The following NME7 variants were observed in gnomAD, a reference collection of about 807,000 sequenced individuals.
NME7 encodes the protein NME/NM23 family member 7.
In NME7, 41 loss-of-function variants were observed where a neutral mutation model predicts 49.1. The ratio of observed to expected loss-of-function variants is 0.83; its 90% confidence interval spans 0.65 to 1.08. The LOEUF is 1.08. Among genes scored for constraint, NME7 ranks in the 50% least tolerant of loss-of-function variants. NME7 has a pLI of 0.00. For missense variants in NME7, 423 were observed against 463.4 expected (o/e 0.91, Z 0.80); for synonymous variants, 139 against 150.6 (o/e 0.92, Z 0.56).
chr1:169,173,334 G>A (rs777879322), intron 10 of NME7, among the ~76,000 whole-genome samples: 1 of 151,816 alleles, frequency 6.6e-6, no homozygotes, highest in Non-Finnish European at 1.5e-5. Flanking sequence ...AGTTGTAATC[G>A]TCATAGTTTT....
intron 1 of NME7, among the ~76,000 whole-genome samples, chr1:169,346,628 A>T (rs995863966): frequency 1.3e-5 from 2 of 152,174 alleles, no homozygotes; most frequent in East Asian, 3.8e-4. Context: ...TTACCTTCAA[A>T]TATAATGTAT....
At chr1:169,250,208 TTA>T (rs1007391844) in intron 7 of NME7, among the ~76,000 whole-genome samples, 1 of 152,038 alleles carries the variant, frequency 6.6e-6, no homozygotes, top group East Asian at 1.9e-4. Context: ...CTAGGAGTGT[TTA>T]TGTTTCCTGG....
chr1:169,165,326 T>C (rs573584409), intron 11 of NME7, among the ~76,000 whole-genome samples: 58 of 142,160 alleles, frequency 4.1e-4, no homozygotes, highest in Non-Finnish European at 8.0e-4. Context: ...AATAAATAAA[T>C]AAAATAATGG....
chr1:169,198,044 G>C (rs1660437659), intron 10 of NME7, among the ~76,000 whole-genome samples: 1 of 151,854 alleles, frequency 6.6e-6, no homozygotes, highest in Non-Finnish European at 1.5e-5. Flanking sequence ...AATAGGCAAA[G>C]AACTGAATAG....
At chr1:169,362,358 A>T (rs970067923) in intron 1 of NME7, among the ~76,000 whole-genome samples, 1 of 152,238 alleles carries the variant, frequency 6.6e-6, no homozygotes, top group South Asian at 2.1e-4. Flanking sequence ...AATAAATGCT[A>T]TATTTTAGAA....
rs1371455037 is a variant in NME7 at position 169,275,986 on chromosome 1, AT to A, written c.754+11316del. On this transcript the variant is annotated intron_variant, in intron 7 of 11. Coordinates refer to ENST00000367811, the MANE Select transcript of NME7 (RefSeq NM_013330.5). ...TGGTTCTGTTTATATGCTGGATTAC[AT>A]TTATTGATTTGCGTATATTGAACCG... Among the ~76,000 whole-genome samples, 4 of 133,752 alleles carry A rather than the reference AT, an allele frequency of 3.0e-5. 1 individual carries two copies. The highest frequency in any genetic ancestry group is 7.0e-5 in the Non-Finnish European group (4 of 56,918). The allele number at this position is 133,752 out of a possible 152,430, so 87.7% of individuals were successfully genotyped here.
At chr1:169,317,832 T>C (rs1013555927) in intron 3 of NME7, among the ~76,000 whole-genome samples, 23 of 152,158 alleles carry the variant, frequency 1.5e-4, no homozygotes, top group Admixed American at 4.6e-4. Flanking sequence ...TCTATCCCTG[T>C]TCCCATAAGA....
At chr1:169,342,578 A>AG (rs1652764529) in intron 1 of NME7, among the ~76,000 whole-genome samples, 1 of 92,818 alleles carries the variant, frequency 1.1e-5, no homozygotes. Context: ...TATATATAGT[A>AG]TATATATATA....
At chr1:169,134,691 A>G (rs1658372191) in intron 11 of NME7, among the ~76,000 whole-genome samples, 1 of 152,154 alleles carries the variant, frequency 6.6e-6, no homozygotes, top group Non-Finnish European at 1.5e-5. Context: ...ACTGGTTTTC[A>G]TTGTATTTTA....
At chr1:169,168,735 A>G (rs1659487664) in intron 11 of NME7, 1 of 390,880 alleles carries the variant, frequency 2.6e-6, no homozygotes, top group Non-Finnish European at 5.0e-6. Flanking sequence ...GTTGACCGGG[A>G]GCTTCATCGA....
chr1:169,250,077 T>C (rs76017901), intron 7 of NME7, among the ~76,000 whole-genome samples: 3,179 of 152,184 alleles, frequency 0.021, 113 homozygotes, highest in African/African-American at 0.073. Context: ...CTGGTAGGAT[T>C]CAGTTGTGAA....
chr1:169,239,919 A>G (rs1301427036), intron 7 of NME7, among the ~76,000 whole-genome samples: 1 of 152,048 alleles, frequency 6.6e-6, no homozygotes, highest in Admixed American at 6.6e-5. Flanking sequence ...CCATGATAGA[A>G]GGACTTATGG....
rs1306388450 is a variant in NME7, at chr1:169,255,950, C to G, written c.755-18263G>C. Among the ~76,000 whole-genome samples, 3 of 133,346 alleles carry G rather than the reference C, an allele frequency of 2.2e-5. 1 individual carries two copies. Among genetic ancestry groups the G allele is most frequent in the Non-Finnish European group, 5.3e-5 (3 of 56,840 alleles). 87.5% of individuals were successfully genotyped at this position (133,346 alleles called of 152,430 possible). ...AGAGATCCACTGTTAGTCTGATGGG[C>G]TTTCCTTTGAGGGTAACCCGACCTT... On this transcript the variant is annotated intron_variant, in intron 7 of 11. Coordinates refer to ENST00000367811, the MANE Select transcript of NME7 (RefSeq NM_013330.5).
At chr1:169,177,437 T>C (rs1659784443) in intron 10 of NME7, among the ~76,000 whole-genome samples, 1 of 152,080 alleles carries the variant, frequency 6.6e-6, no homozygotes, top group Non-Finnish European at 1.5e-5. Flanking sequence ...AAAACATAAG[T>C]TGAATCATAC....
chr1:169,327,693 TATA>T (rs1652112540), intron 1 of NME7, among the ~76,000 whole-genome samples: 1 of 152,182 alleles, frequency 6.6e-6, no homozygotes. Flanking sequence ...ATATAAGTTT[TATA>T]ACAAAAAATA....
At chr1:169,236,035 T>G (rs1014338963) in intron 8 of NME7, among the ~76,000 whole-genome samples, 3 of 152,084 alleles carry the variant, frequency 2.0e-5, no homozygotes, top group Non-Finnish European at 2.9e-5. Context: ...ACTGAGAAAT[T>G]TCTGCCAATA....
intron 7 of NME7, among the ~76,000 whole-genome samples, chr1:169,238,068 G>A (rs1338693775): frequency 2.0e-5 from 3 of 151,980 alleles, no homozygotes; most frequent in East Asian, 3.9e-4. Flanking sequence ...TCAAACAAGA[G>A]TTCAAAGAAG....
At chr1:169,168,957 G>C (rs1381009126) in intron 11 of NME7, 3 of 445,596 alleles carry the variant, frequency 6.7e-6, no homozygotes, top group Non-Finnish European at 1.3e-5. Flanking sequence ...CATTGTTCAA[G>C]GGTCAACTGT....
At chr1:169,251,356 T>G (rs1648569216) in intron 7 of NME7, among the ~76,000 whole-genome samples, 1 of 152,038 alleles carries the variant, frequency 6.6e-6, no homozygotes, top group Non-Finnish European at 1.5e-5. Context: ...TACCCTAAGT[T>G]TATATGAATC....
Sources: gnomAD v4.1 joint callset for allele counts (sites outside exome capture counted in the v4.1 genomes callset) on GRCh38, gnomAD v4.1.1 for gene constraint, MANE v1.5 for transcripts, NCBI Gene and HGNC (gene_info 2026-07-23, HGNC 2026-07-21) for gene names.